CADM2: variants seen among roughly 807,000 people sequenced by gnomAD.
CADM2 encodes cell adhesion molecule 2.
Under a neutral mutation model 49.8 loss-of-function variants are expected in CADM2, and 12 were observed. That is an observed-to-expected ratio of 0.24 (90% confidence interval 0.15 to 0.39). The LOEUF is 0.39. CADM2 is among the 10% of genes least tolerant of loss of function. CADM2 has a pLI of 1.00. For missense variants in CADM2, 378 were observed against 492.3 expected (o/e 0.77, Z 2.20); for synonymous variants, 214 against 175.4 (o/e 1.22, Z -1.74).
intron 1 of CADM2, among the ~76,000 whole-genome samples, chr3:85,104,978 G>A (rs1256276782): frequency 1.3e-5 from 2 of 152,102 alleles, no homozygotes; most frequent in African/African-American, 2.4e-5. Flanking sequence ...GGGGTGAGAC[G>A]ATGGGGTTTT....
At chr3:85,487,571 GAGGAGGAAGTGGAGGAGGAGA>G (rs2039474625) in intron 1 of CADM2, among the ~76,000 whole-genome samples, 1 of 150,442 alleles carries the variant, frequency 6.6e-6, no homozygotes, top group Non-Finnish European at 1.5e-5. Context: ...GGAATAGGAG[GAGGAGGAAGTGGAGGAGGAGA>G]AGGAGGAAGT....
chr3:85,587,943 T>G (rs961229965), intron 1 of CADM2, among the ~76,000 whole-genome samples: 28 of 152,008 alleles, frequency 1.8e-4, no homozygotes, highest in African/African-American at 6.8e-4. Flanking sequence ...GTTTTTGTAT[T>G]TTTTGTAAAA....
chr3:85,098,383 T>A (rs1283036428), intron 1 of CADM2, among the ~76,000 whole-genome samples: 1 of 152,092 alleles, frequency 6.6e-6, no homozygotes, highest in East Asian at 1.9e-4. Context: ...AATCTTAACT[T>A]TCTATCTTTA....
At chr3:85,360,097 A>G (rs9309976) in intron 1 of CADM2, among the ~76,000 whole-genome samples, 140,898 of 151,840 alleles carry the variant, frequency 0.93, 65,648 homozygotes, top group Non-Finnish European at 0.97. Context: ...TTCATTTTGG[A>G]AAATATCAAA....
chr3:85,515,563 C>T (rs2060875164), intron 1 of CADM2, among the ~76,000 whole-genome samples: 1 of 143,822 alleles, frequency 7.0e-6, no homozygotes, highest in Non-Finnish European at 1.5e-5. Context: ...GCTGGGATTA[C>T]AGGAGAGTGC....
chr3:85,351,016 A>T (rs1419275040), intron 1 of CADM2, among the ~76,000 whole-genome samples: 1 of 152,212 alleles, frequency 6.6e-6, no homozygotes, highest in Non-Finnish European at 1.5e-5. Context: ...GTAAACTCAG[A>T]TATACTGTAC....
chr3:85,982,343 G>A (rs931978501), intron 8 of CADM2, among the ~76,000 whole-genome samples: 7 of 151,116 alleles, frequency 4.6e-5, no homozygotes, highest in African/African-American at 9.7e-5. Context: ...ACACACATGC[G>A]TACACACACA....
intron 1 of CADM2, among the ~76,000 whole-genome samples, chr3:85,185,759 T>C (rs994575194): frequency 3.3e-5 from 5 of 152,198 alleles, no homozygotes; most frequent in Admixed American, 6.5e-5. Context: ...GAACTGCACT[T>C]AAGGACCTTT....
intron 1 of CADM2, among the ~76,000 whole-genome samples, chr3:85,397,331 AAG>A (rs1336027630): frequency 6.6e-6 from 1 of 152,154 alleles, no homozygotes; most frequent in East Asian, 1.9e-4. Context: ...TAATTCCTCA[AAG>A]AGCTAAGCCT....
At chr3:85,354,924 T>C (rs2031725910) in intron 1 of CADM2, among the ~76,000 whole-genome samples, 1 of 152,104 alleles carries the variant, frequency 6.6e-6, no homozygotes, top group Non-Finnish European at 1.5e-5. Context: ...GTGGGACATG[T>C]GCATGCACAA....
At chr3:85,300,673 T>C (rs570770338) in intron 1 of CADM2, among the ~76,000 whole-genome samples, 4 of 151,958 alleles carry the variant, frequency 2.6e-5, no homozygotes, top group Admixed American at 2.6e-4. Flanking sequence ...ACATGAAAAA[T>C]AGCAAAAACA....
chr3:85,105,124 A>G (rs2107553497), intron 1 of CADM2, among the ~76,000 whole-genome samples: 1 of 152,214 alleles, frequency 6.6e-6, no homozygotes, highest in African/African-American at 2.4e-5. Context: ...AGGAGTGGTG[A>G]GAAAGGGCAT....
intron 2 of CADM2, among the ~76,000 whole-genome samples, chr3:85,754,392 T>C (rs948783375): frequency 6.6e-6 from 1 of 152,184 alleles, no homozygotes; most frequent in Admixed American, 6.5e-5. Context: ...GCTCTGATCA[T>C]GTCTAACTAG....
intron 1 of CADM2, among the ~76,000 whole-genome samples, chr3:85,045,291 CTG>C (rs2035610051): frequency 2.0e-5 from 3 of 152,088 alleles, no homozygotes; most frequent in Admixed American, 1.3e-4. Context: ...CCTGGCAATT[CTG>C]TGTTATGTAT....
intron 1 of CADM2, among the ~76,000 whole-genome samples, chr3:85,675,526 T>C (rs1396458881): frequency 1.3e-5 from 2 of 152,192 alleles, no homozygotes; most frequent in Non-Finnish European, 2.9e-5. Flanking sequence ...GTGATCTGTA[T>C]GGGTACTGTG....
At chr3:85,230,243 T>G (rs2107810651) in intron 1 of CADM2, among the ~76,000 whole-genome samples, 1 of 152,310 alleles carries the variant, frequency 6.6e-6, no homozygotes, top group South Asian at 2.1e-4. Context: ...TTGTCTTAAA[T>G]ACTGTAACTT....
At chr3:85,018,859 A>G (rs1249001131) in intron 1 of CADM2, among the ~76,000 whole-genome samples, 2 of 152,214 alleles carry the variant, frequency 1.3e-5, no homozygotes, top group African/African-American at 4.8e-5. Context: ...TAACACAATT[A>G]AGTTCATTAC....
intron 2 of CADM2, among the ~76,000 whole-genome samples, chr3:85,739,609 C>A (rs2068292659): frequency 6.6e-6 from 1 of 151,974 alleles, no homozygotes; most frequent in Non-Finnish European, 1.5e-5. Flanking sequence ...ATATAAAATG[C>A]AAGTTGCATC....
At chr3:85,503,566 G>C (rs1310993350) in intron 1 of CADM2, among the ~76,000 whole-genome samples, 1 of 152,112 alleles carries the variant, frequency 6.6e-6, no homozygotes, top group South Asian at 2.1e-4. Context: ...TCCTGAGTAG[G>C]TTGAGTATTT....
Sources: allele counts gnomAD v4.1 joint callset (sites outside exome capture counted in the v4.1 genomes callset), GRCh38; gene constraint gnomAD v4.1.1; transcripts MANE v1.5; gene names NCBI Gene and HGNC (gene_info 2026-07-23, HGNC 2026-07-21).